KLHL29: variants seen among roughly 807,000 people sequenced by gnomAD.
The protein encoded by KLHL29 is kelch like family member 29, also known as kelch-like protein 29.
A neutral mutation model predicts 80.4 loss-of-function variants in KLHL29; 21 were observed. The ratio of observed to expected loss-of-function variants is 0.26; its 90% confidence interval spans 0.19 to 0.38. The LOEUF (loss-of-function observed/expected upper bound fraction) is 0.38. Among genes scored for constraint, KLHL29 ranks in the 10% least tolerant of loss-of-function variants. The pLI, the probability that KLHL29 is intolerant of heterozygous loss-of-function variation, is 1.00. For missense variants in KLHL29, 867 were observed against 1,223.9 expected (o/e 0.71, Z 4.35); for synonymous variants, 511 against 526.8 (o/e 0.97, Z 0.41).
chr2:23,507,113 T>C (rs1360107101), intron 2 of KLHL29: 2 of 452,544 alleles, frequency 4.4e-6, no homozygotes, highest in African/African-American at 2.0e-5. Context: ...TCAACATCGC[T>C]GCCTGGGTGG....
At chr2:23,528,360 G>A (rs866794992) in intron 2 of KLHL29, among the ~76,000 whole-genome samples, 15 of 152,144 alleles carry the variant, frequency 9.9e-5, no homozygotes, top group African/African-American at 3.1e-4. Flanking sequence ...GTTGTGGGGC[G>A]AGGGGCTGTT....
intron 1 of KLHL29, among the ~76,000 whole-genome samples, chr2:23,442,552 G>C (rs1663558809): frequency 6.6e-6 from 1 of 152,182 alleles, no homozygotes; most frequent in Non-Finnish European, 1.5e-5. Context: ...GCCCAGAAAA[G>C]GCAAGAAAAT....
intron 2 of KLHL29, among the ~76,000 whole-genome samples, chr2:23,518,344 C>T (rs573275692): frequency 3.3e-5 from 5 of 152,304 alleles, no homozygotes; most frequent in African/African-American, 9.6e-5. Context: ...CCCGTTGACT[C>T]GTGAGAGAAC....
chr2:23,524,926 A>AT (rs1666253370), intron 2 of KLHL29, among the ~76,000 whole-genome samples: 2 of 152,164 alleles, frequency 1.3e-5, no homozygotes, highest in East Asian at 1.9e-4. Context: ...GCTGCCTGTA[A>AT]TTTTTTTTAT....
intron 1 of KLHL29, among the ~76,000 whole-genome samples, chr2:23,415,710 T>TA (rs1449454137): frequency 6.6e-6 from 1 of 152,064 alleles, no homozygotes; most frequent in African/African-American, 2.4e-5. Context: ...TTTTTATTTT[T>TA]TTTTTTGACA....
At chr2:23,392,530 T>C (rs1218234921) in intron 1 of KLHL29, among the ~76,000 whole-genome samples, 1 of 152,236 alleles carries the variant, frequency 6.6e-6, no homozygotes, top group Non-Finnish European at 1.5e-5. Context: ...CTTCCAGTTA[T>C]GGCTGCTCAC....
Position 23,385,299 on chromosome 2 carries a change from GGCCCCGGCTCCGCAGCGCCCGTCCGCA to G in KLHL29, c.-626_-600del, listed in dbSNP as rs912780044. On this transcript the variant is annotated 5_prime_UTR_variant, in exon 1 of 14. Coordinates refer to ENST00000486442, the MANE Select transcript of KLHL29 (RefSeq NM_052920.2). ...CGGATCTCGCCGCAGCTCCAGCCCC[GGCCCCGGCTCCGCAGCGCCCGTCCGCA>G]GCCCCGGCGGTCGCCGCGCTTGAGC... is the stretch of plus-strand genomic sequence containing the variant. 6.9e-6 allele frequency: 1 copy of G among 145,908 alleles called. No homozygotes were observed. Among genetic ancestry groups the G allele is most frequent in the African/African-American group, 2.5e-5 (1 of 40,254 alleles). The allele number at this position is 145,908 out of a possible 1,614,324, so 9.0% of individuals were successfully genotyped here.
At chr2:23,628,952 G>A (rs1439341802) in intron 3 of KLHL29, among the ~76,000 whole-genome samples, 1 of 152,222 alleles carries the variant, frequency 6.6e-6, no homozygotes, top group Admixed American at 6.5e-5. Context: ...TCAAAGGCCA[G>A]AGCAGGGGCT....
intron 5 of KLHL29, among the ~76,000 whole-genome samples, chr2:23,661,352 A>AT (rs544452174): frequency 6.6e-6 from 1 of 151,740 alleles, no homozygotes; most frequent in Non-Finnish European, 1.5e-5. Flanking sequence ...AAAAAAAAAA[A>AT]AAAACCATGA....
rs1037484939 is a variant in KLHL29 at position 23,680,908 on chromosome 2, C to T, written c.941-3491C>T. 6.6e-6 allele frequency among the ~76,000 whole-genome samples: 1 copy of T among 152,192 alleles called. No homozygotes were observed. Among genetic ancestry groups the T allele is most frequent in the Non-Finnish European group, 1.5e-5 (1 of 68,022 alleles). ...GAAGTCCACTCTGAAGACCCAGCCC[C>T]GAGGCCTGCAAATCTCCCACACCTG... On this transcript the variant is annotated intron_variant, in intron 5 of 13. Coordinates refer to ENST00000486442, the MANE Select transcript of KLHL29 (RefSeq NM_052920.2). This position sits in a 1 kb window ranked among gnomAD's most constrained non-coding sequence, Gnocchi z 4.1.
intron 3 of KLHL29, among the ~76,000 whole-genome samples, chr2:23,611,493 C>T (rs1169145362): frequency 2.0e-5 from 3 of 152,110 alleles, no homozygotes; most frequent in South Asian, 2.1e-4. Flanking sequence ...TAAGGTGATC[C>T]CGTATTACTA....
intron 2 of KLHL29, among the ~76,000 whole-genome samples, chr2:23,507,694 C>G (rs898940022): frequency 6.6e-6 from 1 of 152,176 alleles, no homozygotes; most frequent in Non-Finnish European, 1.5e-5. Context: ...AGGGACCTGG[C>G]CTCACTTCGG....
intron 3 of KLHL29, among the ~76,000 whole-genome samples, chr2:23,623,404 G>T (rs750062172): frequency 6.6e-6 from 1 of 152,190 alleles, no homozygotes; most frequent in African/African-American, 2.4e-5. Flanking sequence ...GGGGGAGCGA[G>T]CTCTGTTTTC....
chr2:23,498,460 G>A (rs190077154), intron 2 of KLHL29, among the ~76,000 whole-genome samples: 3 of 152,266 alleles, frequency 2.0e-5, no homozygotes, highest in Non-Finnish European at 2.9e-5. Flanking sequence ...TGGGGGCCTC[G>A]CCCTGCCCTC....
At chr2:23,691,170 C>G (rs115229198) in intron 6 of KLHL29, 2,143 of 160,610 alleles carry the variant, frequency 0.013, 25 homozygotes, top group Middle Eastern at 0.037. Flanking sequence ...GGAGCGGGTT[C>G]TGGGGCAACT....
chr2:23,393,522 G>A lies in KLHL29; in HGVS notation c.-154+7742G>A, dbSNP rs768909594. Among the ~76,000 whole-genome samples, 24 of 152,268 alleles carry A rather than the reference G, an allele frequency of 1.6e-4. No individual in the cohort carries two copies. The Middle Eastern group carries it at 0.014, about 86-fold the overall frequency. ...TGTCTCTGCTCAGATTTCAAAATTT[G>A]TAGTAGTTCACAAAAGCATCGTTTT... is the stretch of plus-strand genomic sequence containing the variant. On this transcript the variant is annotated intron_variant, in intron 1 of 13. Transcript: ENST00000486442.
intron 3 of KLHL29, among the ~76,000 whole-genome samples, chr2:23,577,954 G>A (rs903932446): frequency 2.0e-5 from 3 of 152,094 alleles, no homozygotes; most frequent in African/African-American, 7.2e-5. Flanking sequence ...TGCCATCGAG[G>A]GACTCCAGGA....
chr2:23,527,483 T>A (rs13012633), intron 2 of KLHL29, among the ~76,000 whole-genome samples: 80,649 of 152,094 alleles, frequency 0.53, 22,001 homozygotes, highest in Middle Eastern at 0.63. Context: ...GGACTGCCCT[T>A]TCCTGGGGTG....
At chr2:23,671,743 G>C (rs1455917970) in intron 5 of KLHL29, among the ~76,000 whole-genome samples, 24 of 152,328 alleles carry the variant, frequency 1.6e-4, no homozygotes, top group Admixed American at 1.3e-3. Flanking sequence ...AATGGAAAGA[G>C]AGTAGGAGGT....
Sources: gnomAD v4.1 joint callset for allele counts (sites outside exome capture counted in the v4.1 genomes callset) on GRCh38, gnomAD v4.1.1 for gene constraint, Gnocchi (gnomAD v3.1) non-coding constraint, MANE v1.5 for transcripts, NCBI Gene and HGNC (gene_info 2026-07-23, HGNC 2026-07-21) for gene names.